Variants in ZNF561 observed in about 807,000 individuals in gnomAD.
ZNF561 encodes zinc finger protein 561.
Under a neutral mutation model 16.7 loss-of-function variants are expected in ZNF561, and 16 were observed. The observed-to-expected ratio is 0.96, with a 90% confidence interval of 0.65 to 1.45. The LOEUF (loss-of-function observed/expected upper bound fraction) is 1.45. Among genes scored for constraint, ZNF561 ranks in the 40% most tolerant of loss-of-function variants. The pLI is 0.00. For synonymous variants in ZNF561, 190 were observed against 192.1 expected (o/e 0.99, Z 0.09); for missense variants, 580 against 578.0 (o/e 1.00, Z -0.04).
chr19:9,618,012 T>C lies in ZNF561; in HGVS notation c.114+79A>G, dbSNP rs1251174025. On this transcript the variant is annotated intron_variant, in intron 3 of 5. Coordinates refer to ENST00000302851, the MANE Select transcript of ZNF561 (RefSeq NM_152289.3). Reference sequence around the variant, plus strand: ...ATTTGCTCTAAGAAAACTCTGAAGATGAGTCTGTCTAGAAAGAAATCTGTC... The same window carrying C: ...ATTTGCTCTAAGAAAACTCTGAAGACGAGTCTGTCTAGAAAGAAATCTGTC... 6 of 1,334,156 alleles carry C rather than the reference T, an allele frequency of 4.5e-6. No individual in the cohort carries two copies. In the African/African-American group the frequency reaches 7.3e-5, roughly 16 times the overall value. The allele number at this position is 1,334,156 out of a possible 1,614,324, so 82.6% of individuals were successfully genotyped here.
At chr19:9,619,320 C>G in intron 2 of ZNF561, 112 bp downstream of exon 2, 1 of 867,196 alleles carries the variant, frequency 1.2e-6, no homozygotes. Flanking sequence ...CACTTCAATT[C>G]CTCCTAAAAG....
At chr19:9,614,726 T>C (rs1376452454) in intron 4 of ZNF561, among the ~76,000 whole-genome samples, 1 of 152,106 alleles carries the variant, frequency 6.6e-6, no homozygotes, top group Non-Finnish European at 1.5e-5. Context: ...ACAGAACAGG[T>C]AGTTTTATTA....
At chr19:9,613,851 T>C (rs1192321016) in intron 5 of ZNF561, among the ~76,000 whole-genome samples, 170 bp downstream of exon 5, 1 of 152,160 alleles carries the variant, frequency 6.6e-6, no homozygotes, top group Non-Finnish European at 1.5e-5. Flanking sequence ...CTTACTATAC[T>C]GCCTAGGCTG....
At position 9,610,630 on chromosome 19, in the gene ZNF561, T is replaced by G; in HGVS notation, c.1031A>C (p.Gln344Pro). ...AAGGCCCGAGTACTGAGCAAAGGCT[T>G]GGCCACATTCCTTACATTCATAGGG... is the stretch of plus-strand genomic sequence containing the variant. Reference protein sequence around the residue: ...IKPYECKECGQAFAQYSGLSI... With the variant: ...IKPYECKECGPAFAQYSGLSI... Residue 344 changes from glutamine (Q) to proline (P), a missense_variant, in exon 6 of 6, where the codon CAA becomes CCA. Gln to Pro is a moderately conservative substitution (Grantham distance 76). Transcript: ENST00000302851. 1 of 1,614,066 alleles carries G rather than the reference T, an allele frequency of 6.2e-7. No homozygotes were observed. The highest frequency in any genetic ancestry group is 8.5e-7 in the Non-Finnish European group (1 of 1,179,976).
Position 9,610,393 on chromosome 19 carries a change from C to G in ZNF561, c.1268G>C (p.Cys423Ser), listed in dbSNP as rs749068309. Reference protein sequence around the residue: ...KTHSGEKPFVCKICGKAFLYS... With the variant: ...KTHSGEKPFVSKICGKAFLYS... The stretch of plus-strand genomic sequence containing the variant: ...TAGAAATGCTTTCCCACATATCTTG[C>G]ATACAAAGGGCTTTTCTCCACTATG... The change falls in exon 6 of 6, where the codon TGC becomes TCC. Residue 423 changes from cysteine to serine, a missense_variant. Physicochemically the swap from Cys to Ser is moderately radical, Grantham distance 112 (BLOSUM62 -1). Coordinates refer to ENST00000302851, the MANE Select transcript of ZNF561 (RefSeq NM_152289.3). 1 of 1,613,782 alleles carries G rather than the reference C, an allele frequency of 6.2e-7. No individual in the cohort carries two copies.
At chr19:9,614,809 A>G (rs2074525015) in intron 4 of ZNF561, among the ~76,000 whole-genome samples, 1 of 151,928 alleles carries the variant, frequency 6.6e-6, no homozygotes, top group Admixed American at 6.6e-5. Context: ...AATAGCTTAA[A>G]TCTTCTGAGG....
chr19:9,613,664 C>T (rs2074501461), intron 5 of ZNF561, among the ~76,000 whole-genome samples: 1 of 152,100 alleles, frequency 6.6e-6, no homozygotes, highest in South Asian at 2.1e-4. Flanking sequence ...ATGACAGGTG[C>T]CCACCACCAC....
intron 3 of ZNF561, 22 bp downstream of exon 3, chr19:9,618,066 TAAC>T (rs1197127354): frequency 9.1e-6 from 14 of 1,542,440 alleles, no homozygotes; most frequent in Non-Finnish European, 2.6e-6. Context: ...ATATCATTTT[TAAC>T]AACAGTACGT....
rs1287815309 is a variant in ZNF561 at position 9,611,105 on chromosome 19, C to G, written c.556G>C (p.Val186Leu). ...KVFTLTPGLA[V>L]HLEVLNARQP... ...CTTGCATTGAGAACTTCAAGATGTA[C>G]AGCAAGACCTGGAGTTAGAGTAAAG... is the stretch of plus-strand genomic sequence containing the variant. Residue 186 changes from valine (V) to leucine (L), a missense_variant, in exon 6 of 6, where the codon GTA becomes CTA. Coordinates refer to ENST00000302851, the MANE Select transcript of ZNF561 (RefSeq NM_152289.3). The G allele has an allele frequency of 6.2e-7, 1 of 1,613,986 alleles. No individual in the cohort carries two copies. The highest frequency in any genetic ancestry group is 1.3e-5 in the African/African-American group (1 of 74,930).
In ZNF561 at chr19:9,611,137, C is replaced by T; in HGVS notation, c.524G>A (p.Gly175Glu). ...ACCTGGAGTTAGAGTAAAGACTTTT[C>T]CACATGGATTAAATTTGGAAAGTTC... The part of the protein sequence containing the change: ...GQELSKFNPC[G>E]KVFTLTPGLA... Residue 175 changes from glycine to glutamate, a missense_variant, in exon 6 of 6, where the codon GGA becomes GAA. Transcript: ENST00000302851. The T allele has an allele frequency of 6.2e-7, 1 of 1,614,000 alleles. No individual in the cohort carries two copies. Among genetic ancestry groups the T allele is most frequent in the Non-Finnish European group, 8.5e-7 (1 of 1,179,906 alleles).
At chr19:9,615,897 AAAG>A (rs1198592256) in intron 4 of ZNF561, among the ~76,000 whole-genome samples, 4 of 152,164 alleles carry the variant, frequency 2.6e-5, no homozygotes, top group African/African-American at 9.7e-5. Flanking sequence ...TCAAAAAAAA[AAAG>A]CAGAAATAAA....
rs1204664783 is a variant in ZNF561 at position 9,607,775 on chromosome 19, A to T, written c.*2425T>A. On this transcript the variant is annotated 3_prime_UTR_variant, in exon 6 of 6. Transcript: ENST00000302851. ...TATGTGATTGTCTATGTGGAAACGGAAAAGAATCATATTAAGTACTTTGGA... is the reference window on the plus strand; with the variant it reads ...TATGTGATTGTCTATGTGGAAACGGTAAAGAATCATATTAAGTACTTTGGA... 6.6e-6 allele frequency: 1 copy of T among 152,214 alleles called. No individual in the cohort carries two copies. The highest frequency in any genetic ancestry group is 1.5e-5 in the Non-Finnish European group (1 of 68,052). 9.4% of individuals were successfully genotyped at this position (152,214 alleles called of 1,614,324 possible).
In ZNF561 at chr19:9,610,667, T is replaced by A. The variant is rs2074433341; in HGVS notation, c.994A>T (p.Thr332Ser). The change falls in exon 6 of 6, where the codon ACT (threonine) becomes TCT (serine). Residue 332 changes from threonine (T) to serine (S), a missense_variant. Coordinates refer to ENST00000302851, the MANE Select transcript of ZNF561 (RefSeq NM_152289.3). ...TTACATTCATAGGGTTTTATTCCAGTGTGAGTTCTTACATGTTCAGTAAGT... is the reference window on the plus strand; with the variant it reads ...TTACATTCATAGGGTTTTATTCCAGAGTGAGTTCTTACATGTTCAGTAAGT... ...TQLTEHVRTH[T>S]GIKPYECKEC... is the part of the protein sequence containing the mutation. The A allele has an allele frequency of 6.2e-7, 1 of 1,614,094 alleles. No individual in the cohort carries two copies. The highest frequency in any genetic ancestry group is 1.7e-5 in the Admixed American group (1 of 60,002).
At chr19:9,617,545 G>A (rs1034217957) in intron 3 of ZNF561, 2 of 350,132 alleles carry the variant, frequency 5.7e-6, no homozygotes, top group African/African-American at 4.3e-5. Context: ...TATAAAAACA[G>A]GGTCCAACTG....
At chr19:9,617,372 C>A (rs1038521998) in intron 3 of ZNF561, 27 of 1,211,504 alleles carry the variant, frequency 2.2e-5, no homozygotes, top group Non-Finnish European at 1.2e-5. Context: ...TTAAACAGCA[C>A]TTTTTAAAAT....
chr19:9,619,946 C>CTATT (rs568032702), intron 1 of ZNF561, among the ~76,000 whole-genome samples: 2 of 151,324 alleles, frequency 1.3e-5, no homozygotes, highest in African/African-American at 4.9e-5. Context: ...ATCTATCTAT[C>CTATT]GAGACAGGGT....
At chr19:9,618,317 C>T in intron 2 of ZNF561, 138 bp from the exon 3 acceptor site, 3 of 857,574 alleles carry the variant, frequency 3.5e-6, no homozygotes, top group South Asian at 1.7e-5. Context: ...CACAACACTT[C>T]CATGAAATGC....
rs1303748153 is a variant in ZNF561 at position 9,614,404 on chromosome 19, T to A, written c.242-301A>T. The A allele has an allele frequency of 1.4e-5, 4 of 276,156 alleles. 1 individual carries two copies. The Admixed American group carries it at 1.9e-4, about 13-fold the overall frequency. 17.1% of individuals were successfully genotyped at this position (276,156 alleles called of 1,614,324 possible). ...CGGGTGGATCACTTGAGGTCAGGAG[T>A]TCGAGACCAGCCTGACCAACATGGA... is the stretch of plus-strand genomic sequence containing the variant. On this transcript the variant is annotated intron_variant, in intron 4 of 5. Coordinates refer to ENST00000302851, the MANE Select transcript of ZNF561 (RefSeq NM_152289.3).
At chr19:9,619,024 G>C (rs2074610413) in intron 2 of ZNF561, 1 of 152,718 alleles carries the variant, frequency 6.5e-6, no homozygotes, top group Non-Finnish European at 1.5e-5. Context: ...GTTGCAGTGA[G>C]TCGAGACCAC....
Sources: gnomAD v4.1 joint callset for allele counts (sites outside exome capture counted in the v4.1 genomes callset) on GRCh38, gnomAD v4.1.1 for gene constraint, MANE v1.5 for transcripts, NCBI Gene and HGNC (gene_info 2026-07-23, HGNC 2026-07-21) for gene names.